Variants in LYPD6 observed in about 807,000 individuals in gnomAD.
LYPD6 encodes the protein ly6/PLAUR domain-containing protein 6.
A neutral mutation model predicts 22.7 loss-of-function variants in LYPD6; 15 were observed. That is an observed-to-expected ratio of 0.66 (90% confidence interval 0.44 to 1.02). The LOEUF (loss-of-function observed/expected upper bound fraction) is 1.02. Among genes scored for constraint, LYPD6 ranks in the 50% least tolerant of loss-of-function variants. LYPD6 has a pLI of 0.00. For missense variants in LYPD6, 189 were observed against 208.4 expected (o/e 0.91, Z 0.57); for synonymous variants, 72 against 77.5 (o/e 0.93, Z 0.37).
rs146774776 is a variant in LYPD6, at chr2:149,335,265, G to A, written c.-72+4543G>A. On this transcript the variant is annotated intron_variant, in intron 1 of 4. Coordinates refer to ENST00000334166, the MANE Select transcript of LYPD6 (RefSeq NM_194317.5). ...TATTGCCCCTGAAGACCTTCCAGTG[G>A]GACAAGATGTGGTGGTGGAAGACAG... 2.6e-5 allele frequency among the ~76,000 whole-genome samples: 4 copies of A among 152,084 alleles called. No homozygotes were observed. The East Asian group carries it at 7.7e-4, about 29-fold the overall frequency.
At chr2:149,358,970 A>G (rs1397664969) in intron 1 of LYPD6, among the ~76,000 whole-genome samples, 2 of 152,216 alleles carry the variant, frequency 1.3e-5, no homozygotes, top group Non-Finnish European at 2.9e-5. Context: ...TTAAAGTACT[A>G]TCTCAATTTA....
In LYPD6 at chr2:149,465,448, A is replaced by G. The variant is rs140182961; in HGVS notation, c.218-3197A>G. 1.1e-4 allele frequency among the ~76,000 whole-genome samples: 17 copies of G among 152,310 alleles called. No homozygotes were observed. The East Asian group carries it at 3.1e-3, about 28-fold the overall frequency. On this transcript the variant is annotated intron_variant, in intron 3 of 4. Transcript: ENST00000334166. ...TTTCAGTATAATTCGTAATATTACTATTAAAGTATTTTCCTCCCATTAATT... is the reference window on the plus strand; with the variant it reads ...TTTCAGTATAATTCGTAATATTACTGTTAAAGTATTTTCCTCCCATTAATT...
chr2:149,366,946 T>G (rs961781343), intron 1 of LYPD6, among the ~76,000 whole-genome samples: 1 of 152,200 alleles, frequency 6.6e-6, no homozygotes, highest in Non-Finnish European at 1.5e-5. Context: ...CGAAAATGAT[T>G]TACAAGCCTG....
intron 1 of LYPD6, among the ~76,000 whole-genome samples, chr2:149,347,065 C>G (rs1681270206): frequency 6.6e-6 from 1 of 152,000 alleles, no homozygotes; most frequent in South Asian, 2.1e-4. Flanking sequence ...GCTGGCAGGT[C>G]TGGTGTCTGG....
chr2:149,335,434 C>T (rs1282063961), intron 1 of LYPD6, among the ~76,000 whole-genome samples: 1 of 151,948 alleles, frequency 6.6e-6, no homozygotes, highest in Non-Finnish European at 1.5e-5. Flanking sequence ...TAAGTTTGTA[C>T]CATGTGTTTG....
chr2:149,402,912 G>A (rs1682595730), intron 1 of LYPD6, among the ~76,000 whole-genome samples: 1 of 137,466 alleles, frequency 7.3e-6, no homozygotes, highest in South Asian at 2.3e-4. Context: ...CCCAAAGTGT[G>A]ATGTTCCCCT....
At chr2:149,381,639 A>C (rs964548268) in intron 1 of LYPD6, among the ~76,000 whole-genome samples, 1 of 152,210 alleles carries the variant, frequency 6.6e-6, no homozygotes, top group Non-Finnish European at 1.5e-5. Flanking sequence ...AGAGAGTGAG[A>C]GCACGAGTGG....
At chr2:149,434,357 CTCA>C (rs1175489264) in intron 1 of LYPD6, among the ~76,000 whole-genome samples, 1 of 152,086 alleles carries the variant, frequency 6.6e-6, no homozygotes. Flanking sequence ...ATACTTAATC[CTCA>C]TCGATTTAAA....
At chr2:149,351,392 T>TAAAAAAAAAAAAA (rs71397025) in intron 1 of LYPD6, among the ~76,000 whole-genome samples, 28 of 83,052 alleles carry the variant, frequency 3.4e-4, no homozygotes, top group East Asian at 1.2e-3. Flanking sequence ...AGACTCCATC[T>TAAAAAAAAAAAAA]AAAAAAAAAA....
intron 1 of LYPD6, among the ~76,000 whole-genome samples, chr2:149,428,177 G>A (rs557767285): frequency 6.6e-6 from 1 of 152,214 alleles, no homozygotes; most frequent in East Asian, 1.9e-4. Flanking sequence ...TAGCTGATAA[G>A]GCTTAAAGAA....
chr2:149,394,656 A>G (rs1388459264), intron 1 of LYPD6, among the ~76,000 whole-genome samples: 2 of 151,982 alleles, frequency 1.3e-5, no homozygotes, highest in African/African-American at 2.4e-5. Context: ...GTCTCTCTCT[A>G]CACATGCACT....
chr2:149,350,811 G>T (rs1234729833), intron 1 of LYPD6, among the ~76,000 whole-genome samples: 2 of 152,200 alleles, frequency 1.3e-5, no homozygotes, highest in Non-Finnish European at 2.9e-5. Context: ...CCCAGCCAAA[G>T]CTAACAATTC....
intron 1 of LYPD6, among the ~76,000 whole-genome samples, chr2:149,370,310 A>T (rs1037531486): frequency 1.3e-5 from 2 of 152,178 alleles, no homozygotes; most frequent in Admixed American, 1.3e-4. Flanking sequence ...TCTGAAGTAA[A>T]TGCTCCTGTG....
chr2:149,362,249 G>T (rs936586167), intron 1 of LYPD6, among the ~76,000 whole-genome samples: 1 of 152,120 alleles, frequency 6.6e-6, no homozygotes, highest in African/African-American at 2.4e-5. Flanking sequence ...TCTACCCATT[G>T]TAGGTTTATG....
chr2:149,330,561 C>G (rs1573721222), upstream of LYPD6: 2 of 150,784 alleles, frequency 1.3e-5, no homozygotes, highest in East Asian at 4.0e-4. Context: ...CCCCTAGCCG[C>G]CCCCCGCCTC....
rs568326248 is a variant in LYPD6, at chr2:149,471,090, C to T, written c.*240C>T. On this transcript the variant is annotated 3_prime_UTR_variant, in exon 5 of 5. Coordinates refer to ENST00000334166, the MANE Select transcript of LYPD6 (RefSeq NM_194317.5). Reference sequence around the variant, plus strand: ...TACAGCCCAAGTTCCATACCATAAACGTTTGTTTTCATTCCAAGAAGTAGT... The same window carrying T: ...TACAGCCCAAGTTCCATACCATAAATGTTTGTTTTCATTCCAAGAAGTAGT... 4.0e-5 allele frequency: 15 copies of T among 374,984 alleles called. No homozygotes were observed. In the South Asian group the frequency reaches 1.2e-3, roughly 31 times the overall value. The allele number at this position is 374,984 out of a possible 1,614,324, so 23.2% of individuals were successfully genotyped here.
At chr2:149,454,679 T>C (rs7559511) in intron 3 of LYPD6, among the ~76,000 whole-genome samples, 44,801 of 151,954 alleles carry the variant, frequency 0.29, 8,249 homozygotes, top group African/African-American at 0.53. Flanking sequence ...TGCAAAATGA[T>C]GGTACCACTT....
At chr2:149,394,554 A>T (rs1336750941) in intron 1 of LYPD6, among the ~76,000 whole-genome samples, 2 of 152,194 alleles carry the variant, frequency 1.3e-5, no homozygotes, top group African/African-American at 4.8e-5. Flanking sequence ...TTTTGATCAC[A>T]TAAAGTAAAA....
chr2:149,468,223 C>T (rs992191908), intron 3 of LYPD6, among the ~76,000 whole-genome samples: 1 of 149,274 alleles, frequency 6.7e-6, no homozygotes, highest in African/African-American at 2.5e-5. Flanking sequence ...TCCTTGAGGA[C>T]TACTGTTACC....
Sources: allele counts gnomAD v4.1 joint callset (sites outside exome capture counted in the v4.1 genomes callset), GRCh38; gene constraint gnomAD v4.1.1; transcripts MANE v1.5; gene names NCBI Gene and HGNC (gene_info 2026-07-23, HGNC 2026-07-21).